Variants in ICA1 observed in about 807,000 individuals in gnomAD.
The protein encoded by ICA1 is 69 kDa islet cell autoantigen.
Under a neutral mutation model 71.0 loss-of-function variants are expected in ICA1, and 40 were observed. That is an observed-to-expected ratio of 0.56 (90% CI 0.44 to 0.73). The LOEUF is 0.73. Among genes scored for constraint, ICA1 ranks in the 30% least tolerant of loss-of-function variants. ICA1 has a pLI of 0.00. For synonymous variants in ICA1, 207 were observed against 209.5 expected (o/e 0.99, Z 0.10); for missense variants, 578 against 576.5 (o/e 1.00, Z -0.03).
intron 6 of ICA1, among the ~76,000 whole-genome samples, chr7:8,175,476 C>T (rs937921498): frequency 6.6e-6 from 1 of 152,084 alleles, no homozygotes; most frequent in Non-Finnish European, 1.5e-5. Context: ...TTGAATCATC[C>T]AGATAATACT....
intron 6 of ICA1, among the ~76,000 whole-genome samples, chr7:8,172,492 G>C (rs1808736719): frequency 6.6e-6 from 1 of 152,114 alleles, no homozygotes; most frequent in Admixed American, 6.5e-5. Flanking sequence ...GCTATGGACA[G>C]CATAGAGCTA....
intron 4 of ICA1, among the ~76,000 whole-genome samples, chr7:8,227,247 C>T (rs1798865285): frequency 6.6e-6 from 1 of 152,034 alleles, no homozygotes; most frequent in African/African-American, 2.4e-5. Flanking sequence ...GAAAGCAGTG[C>T]AGACAATAGG....
At chr7:8,221,083 G>GAA (rs202019687) in intron 5 of ICA1, among the ~76,000 whole-genome samples, 192 bp downstream of exon 5, 1 of 150,582 alleles carries the variant, frequency 6.6e-6, no homozygotes, top group Non-Finnish European at 1.5e-5. Flanking sequence ...TAATAGGGAG[G>GAA]AAAAAAAAAT....
At chr7:8,151,560 C>T (rs1798813477) in intron 8 of ICA1, among the ~76,000 whole-genome samples, 1 of 152,208 alleles carries the variant, frequency 6.6e-6, no homozygotes, top group African/African-American at 2.4e-5. Flanking sequence ...ATCCTGGATG[C>T]TCGCCATATG....
intron 6 of ICA1, among the ~76,000 whole-genome samples, chr7:8,159,731 A>G (rs572861774): frequency 1.3e-5 from 2 of 152,158 alleles, no homozygotes; most frequent in East Asian, 3.9e-4. Context: ...CCAACAACAA[A>G]ACCAAAAAAC....
At chr7:8,138,357 T>C (rs548250939) in intron 12 of ICA1, among the ~76,000 whole-genome samples, 5 of 152,304 alleles carry the variant, frequency 3.3e-5, no homozygotes, top group Admixed American at 3.3e-4. Context: ...TCATGACCAT[T>C]TGACATAACC....
At chr7:8,115,025 G>C (rs1784354817) in intron 13 of ICA1, 2 of 152,206 alleles carry the variant, frequency 1.3e-5, no homozygotes, top group Admixed American at 1.3e-4. Context: ...TGAGGGGATA[G>C]AGGCAATGGG....
chr7:8,245,266 T>C (rs1805535181), intron 1 of ICA1, among the ~76,000 whole-genome samples: 1 of 151,966 alleles, frequency 6.6e-6, no homozygotes, highest in Non-Finnish European at 1.5e-5. Context: ...TGCAAGGACA[T>C]GGATGAAGCT....
chr7:8,175,683 T>C (rs2128243450), intron 6 of ICA1, among the ~76,000 whole-genome samples: 1 of 152,226 alleles, frequency 6.6e-6, no homozygotes, highest in South Asian at 2.1e-4. Flanking sequence ...GAAGTTCAGG[T>C]TTATACATGT....
At chr7:8,202,659 A>G (rs1790125800) in intron 6 of ICA1, among the ~76,000 whole-genome samples, 2 of 152,116 alleles carry the variant, frequency 1.3e-5, no homozygotes, top group African/African-American at 4.8e-5. Context: ...TTTTTATATC[A>G]CCCTTGACTT....
At chr7:8,134,677 T>C (rs1283087349) in intron 12 of ICA1, among the ~76,000 whole-genome samples, 1 of 152,098 alleles carries the variant, frequency 6.6e-6, no homozygotes, top group Non-Finnish European at 1.5e-5. Flanking sequence ...GAAAACACCT[T>C]ACGAAAATGG....
intron 6 of ICA1, among the ~76,000 whole-genome samples, chr7:8,180,485 A>G (rs576274527): frequency 6.6e-5 from 10 of 152,252 alleles, no homozygotes; most frequent in African/African-American, 2.4e-4. Context: ...ACTGCCGTGA[A>G]CATTCTTGTG....
chr7:8,180,759 T>C (rs1490092654), intron 6 of ICA1, among the ~76,000 whole-genome samples: 1 of 152,122 alleles, frequency 6.6e-6, no homozygotes, highest in Non-Finnish European at 1.5e-5. Flanking sequence ...ATGTTGGCAA[T>C]TTTGATATTT....
At chr7:8,145,744 T>C (rs1180898001) in intron 8 of ICA1, among the ~76,000 whole-genome samples, 4 of 22,114 alleles carry the variant, frequency 1.8e-4, no homozygotes, top group Non-Finnish European at 2.4e-4. Context: ...ATTGGAATCA[T>C]TGTGTATATA....
At chr7:8,115,008 T>C (rs1183368302) in intron 13 of ICA1, 1 of 152,100 alleles carries the variant, frequency 6.6e-6, no homozygotes, top group African/African-American at 2.4e-5. Context: ...TTGCTAAAAG[T>C]GGTTAGTGAG....
At position 8,199,097 on chromosome 7, in the gene ICA1, A is replaced by C. The variant is rs555433914; in HGVS notation, c.579+19208T>G. 2.6e-5 allele frequency among the ~76,000 whole-genome samples: 4 copies of C among 152,348 alleles called. No homozygotes were observed. In the South Asian group the frequency reaches 8.3e-4, roughly 32 times the overall value. ...TTATCCAAAAGACAGGCAATAACAA[A>C]TTCTGGCAAGGATGTGGAGAAAAGG... On this transcript the variant is annotated intron_variant, in intron 6 of 13. Transcript: ENST00000402384.
intron 3 of ICA1, among the ~76,000 whole-genome samples, chr7:8,229,187 CCTGT>C (rs1260645871): frequency 6.6e-6 from 1 of 152,124 alleles, no homozygotes; most frequent in African/African-American, 2.4e-5. Context: ...AGCTGGATGT[CCTGT>C]CTATTTAGAA....
intron 1 of ICA1, among the ~76,000 whole-genome samples, chr7:8,256,150 T>C (rs1269996226): frequency 6.6e-6 from 1 of 152,204 alleles, no homozygotes; most frequent in East Asian, 1.9e-4. Flanking sequence ...CATCTTATCT[T>C]TTCTATCTTC....
intron 8 of ICA1, among the ~76,000 whole-genome samples, chr7:8,156,384 G>C (rs916378561): frequency 5.3e-5 from 8 of 152,160 alleles, no homozygotes; most frequent in Admixed American, 2.0e-4. Flanking sequence ...TTCTTGCAAA[G>C]ACATGACCTG....
Sources: gnomAD v4.1 joint callset for allele counts (sites outside exome capture counted in the v4.1 genomes callset) on GRCh38, gnomAD v4.1.1 for gene constraint, MANE v1.5 for transcripts, NCBI Gene and HGNC (gene_info 2026-07-23, HGNC 2026-07-21) for gene names.